Variants in C6orf89 observed in about 807,000 individuals in gnomAD.
C6orf89 encodes the protein bombesin receptor-activated protein C6orf89.
C6orf89 carries 29 observed loss-of-function variants against 40.7 expected under a neutral mutation model. The ratio of observed to expected loss-of-function variants is 0.71; its 90% CI spans 0.53 to 0.97. The LOEUF (loss-of-function observed/expected upper bound fraction) is 0.97, where lower values mean the gene tolerates loss of function less well. C6orf89 is among the 50% of genes least tolerant of loss of function. C6orf89 has a pLI of 0.00. For synonymous variants in C6orf89, 165 were observed against 152.2 expected, an observed-to-expected ratio of 1.08 and a Z score of -0.62; for missense variants, 392 against 429.1, an observed-to-expected ratio of 0.91 and a Z score of 0.76.
rs545150712 is a variant in C6orf89, at chr6:36,914,646, G to A, written c.648G>A (p.Lys216=). The change falls in exon 6 of 9, where the codon AAG becomes AAA. Residue 216 remains lysine (K), a synonymous_variant. Transcript: ENST00000480824. ...TEGFSEGFFA[K]WWRCFPERWF... is the part of the protein sequence containing the mutation. Reference sequence around the variant, plus strand: ...GCTTCTCTGAAGGGTTTTTCGCCAAGTGGTGGCGCTGCTTTCCTGAGCGGT... The same window carrying A: ...GCTTCTCTGAAGGGTTTTTCGCCAAATGGTGGCGCTGCTTTCCTGAGCGGT... 1 of 1,614,228 alleles carries A rather than the reference G, an allele frequency of 6.2e-7. No individual in the cohort carries two copies. The highest frequency in any genetic ancestry group is 1.1e-5 in the South Asian group (1 of 91,080).
intron 1 of C6orf89, among the ~76,000 whole-genome samples, chr6:36,877,985 A>G (rs1774705243): frequency 6.6e-6 from 1 of 152,252 alleles, no homozygotes; most frequent in South Asian, 2.1e-4. Context: ...TCTCTCTTAC[A>G]GAACATGTCA....
intron 2 of C6orf89, among the ~76,000 whole-genome samples, chr6:36,880,149 A>G (rs1262285191): frequency 6.6e-6 from 1 of 152,254 alleles, no homozygotes; most frequent in Non-Finnish European, 1.5e-5. Context: ...AAAGCCAGAA[A>G]TATCAGCCAT....
At chr6:36,907,852 C>T (rs889617782) in intron 4 of C6orf89, among the ~76,000 whole-genome samples, 2 of 152,228 alleles carry the variant, frequency 1.3e-5, no homozygotes, top group East Asian at 1.9e-4. Flanking sequence ...AGTCAAAAGC[C>T]GTAAACTAGG....
At chr6:36,874,299 C>T (rs1485326541) in intron 1 of C6orf89, among the ~76,000 whole-genome samples, 5 of 152,226 alleles carry the variant, frequency 3.3e-5, no homozygotes, top group Non-Finnish European at 7.3e-5. Context: ...TTTGTTTCTA[C>T]AACTGTATTA....
upstream of C6orf89, among the ~76,000 whole-genome samples, chr6:36,881,327 TTTAAA>T (rs1201318853): frequency 1.3e-5 from 2 of 152,218 alleles, no homozygotes; most frequent in African/African-American, 4.8e-5. Flanking sequence ...AAAGGATTGT[TTTAAA>T]TTAAATAAAG....
At chr6:36,889,899 C>A (rs1402162835) in intron 1 of C6orf89, among the ~76,000 whole-genome samples, 1 of 152,134 alleles carries the variant, frequency 6.6e-6, no homozygotes, top group African/African-American at 2.4e-5. Context: ...AAATAACTTT[C>A]AAGTAGTTCT....
In C6orf89 at chr6:36,919,605, A is replaced by G. The variant is rs768980894; in HGVS notation, c.853A>G (p.Ile285Val). The G allele has an allele frequency of 1.2e-6, 2 of 1,613,948 alleles. No homozygotes were observed. The highest frequency in any genetic ancestry group is 3.3e-5 in the Admixed American group (2 of 60,006). The change falls in exon 8 of 9, where the codon ATT becomes GTT. Residue 285 changes from isoleucine to valine, a missense_variant. Transcript: ENST00000480824. ...KMHKMPDLFI[I>V]GSGEAMLQLI... ...GCATAAGATGCCTGACCTATTTATC[A>G]TTGGCAGCGGTGAGGCCATGTTGCA...
intron 2 of C6orf89, among the ~76,000 whole-genome samples, chr6:36,879,627 A>G (rs987356606): frequency 6.6e-6 from 1 of 152,108 alleles, no homozygotes; most frequent in South Asian, 2.1e-4. Context: ...AAACTGATGT[A>G]TTTGTGCTAT....
chr6:36,873,815 T>A lies in C6orf89; in HGVS notation c.-628+1848T>A, dbSNP rs767236774. ...CAGAGGACCTTGGCTGGTCCCTGGC[T>A]GTTGAGGGGAGAATGGCAGGTAGAC... On this transcript the variant is annotated intron_variant, in intron 1 of 9. Transcript: ENST00000359359. Among the ~76,000 whole-genome samples the A allele has an allele frequency of 6.4e-4, 97 of 152,242 alleles. 1 individual carries two copies. The highest frequency in any genetic ancestry group is 1.3e-3 in the Non-Finnish European group (86 of 68,014).
rs1762600911 is a variant in C6orf89, at chr6:36,923,983, T to C, written c.*542T>C. 1 of 190,836 alleles carries C rather than the reference T, an allele frequency of 5.2e-6. No homozygotes were observed. The highest frequency in any genetic ancestry group is 1.1e-5 in the Non-Finnish European group (1 of 89,920). The allele number at this position is 190,836 out of a possible 1,614,324, so 11.8% of individuals were successfully genotyped here. A position where few individuals can be genotyped will look rare whatever the true frequency, so the allele number is the denominator to read the frequency against. On this transcript the variant is annotated 3_prime_UTR_variant, in exon 9 of 9. Coordinates refer to ENST00000480824, the MANE Select transcript of C6orf89 (RefSeq NM_001286635.2). ...ACAGTGAAAAAAGTTCAGATAACTT[T>C]GAATTGCATTCAAGAAGTACACTTC...
At chr6:36,873,897 T>C (rs1774575600) in intron 1 of C6orf89, among the ~76,000 whole-genome samples, 2 of 152,202 alleles carry the variant, frequency 1.3e-5, no homozygotes, top group Non-Finnish European at 2.9e-5. Flanking sequence ...TTTTACTTTA[T>C]ACTGTTATAG....
intron 4 of C6orf89, among the ~76,000 whole-genome samples, 192 bp downstream of exon 4, chr6:36,902,626 A>G (rs1427813945): frequency 1.3e-5 from 2 of 152,222 alleles, no homozygotes; most frequent in Non-Finnish European, 2.9e-5. Flanking sequence ...CAAGGGTCAG[A>G]GAGATTAAGA....
At chr6:36,918,938 G>A (rs2150714937) in intron 7 of C6orf89, among the ~76,000 whole-genome samples, 1 of 152,284 alleles carries the variant, frequency 6.6e-6, no homozygotes, top group African/African-American at 2.4e-5. Flanking sequence ...CAAAATCAGA[G>A]GCCAGTCTTA....
intron 1 of C6orf89, chr6:36,874,711 C>G: frequency 1.2e-6 from 2 of 1,614,032 alleles, no homozygotes; most frequent in Non-Finnish European, 1.7e-6. Context: ...GCCCGAACCC[C>G]CTCACCTGGT....
chr6:36,901,334 T>A (rs28830332), intron 3 of C6orf89, among the ~76,000 whole-genome samples: 60 of 55,674 alleles, frequency 1.1e-3, no homozygotes, highest in Non-Finnish European at 2.3e-3. Flanking sequence ...TTTTTTTTTT[T>A]TTTTTTTTTT....
rs1762614584 is a variant in C6orf89, at chr6:36,924,362, A to T, written c.*921A>T. 1.3e-5 allele frequency: 2 copies of T among 152,220 alleles called. No homozygotes were observed. Among genetic ancestry groups the T allele is most frequent in the Non-Finnish European group, 2.9e-5 (2 of 68,070 alleles). The allele number at this position is 152,220 out of a possible 1,614,324, so 9.4% of individuals were successfully genotyped here. On this transcript the variant is annotated 3_prime_UTR_variant, in exon 9 of 9. Coordinates refer to ENST00000480824, the MANE Select transcript of C6orf89 (RefSeq NM_001286635.2). ...CTTTAGGGTCTGACTTTCTGCAGAG[A>T]AGATGTTTTACAGATGTGTCAAAGC...
exon 1 of C6orf89, chr6:36,871,918 G>C (rs529480697): frequency 6.7e-7 from 1 of 1,496,170 alleles, no homozygotes; most frequent in Admixed American, 2.5e-5. Context: ...AAAGGTCAGG[G>C]CAGACAGGAG....
upstream of C6orf89, among the ~76,000 whole-genome samples, chr6:36,882,025 A>G (rs2150670535): frequency 6.6e-6 from 1 of 152,212 alleles, no homozygotes; most frequent in East Asian, 1.9e-4. Flanking sequence ...AGATAATGAA[A>G]GGTTTTTGTT....
At chr6:36,911,149 T>C (rs1041555401) in intron 4 of C6orf89, among the ~76,000 whole-genome samples, 6 of 152,192 alleles carry the variant, frequency 3.9e-5, no homozygotes, top group African/African-American at 1.4e-4. Flanking sequence ...GATCTCCACC[T>C]GGAAATCCCA....
Sources: gnomAD v4.1 joint callset for allele counts (sites outside exome capture counted in the v4.1 genomes callset) on GRCh38, gnomAD v4.1.1 for gene constraint, MANE v1.5 for transcripts, NCBI Gene and HGNC (gene_info 2026-07-23, HGNC 2026-07-21) for gene names.